The following CAVIN1 variants were observed in gnomAD, a reference collection of about 807,000 sequenced individuals.
CAVIN1 encodes caveolae-associated protein 1.
Under a neutral mutation model 24.0 loss-of-function variants are expected in CAVIN1, and 16 were observed. The observed-to-expected ratio is 0.67, with a 90% CI of 0.45 to 1.01. The LOEUF (loss-of-function observed/expected upper bound fraction) is 1.01, where lower values mean the gene tolerates loss of function less well. Ranked by LOEUF, CAVIN1 falls within the 50% of genes least tolerant of loss-of-function variation. The pLI is 0.00. For missense variants in CAVIN1, 510 were observed against 551.7 expected (o/e 0.92, Z 0.76); for synonymous variants, 256 against 256.4 (o/e 1.00, Z 0.02).
At chr17:42,420,118 C>G (rs1270906500) in intron 1 of CAVIN1, among the ~76,000 whole-genome samples, 2 of 152,152 alleles carry the variant, frequency 1.3e-5, no homozygotes, top group Admixed American at 1.3e-4. Flanking sequence ...CCTCCCACCC[C>G]TGTAGTGGGG....
chr17:42,404,906 C>G lies in CAVIN1; in HGVS notation c.954G>C (p.Val318=). 1 of 1,614,114 alleles carries G rather than the reference C, an allele frequency of 6.2e-7. No homozygotes were observed. The highest frequency in any genetic ancestry group is 1.3e-5 in the African/African-American group (1 of 75,060). Residue 318 remains valine, a synonymous_variant, in exon 2 of 2, where the codon GTG becomes GTC. Coordinates refer to ENST00000357037, the MANE Select transcript of CAVIN1 (RefSeq NM_012232.6). ...TCTTGACGTGGAAGGTGAAGGGTGG[C>G]ACCTTGTAGACCGCGGTCTTGGAGC... The part of the protein sequence containing the change: ...YARSKTAVYK[V]PPFTFHVKKI...
intron 1 of CAVIN1, among the ~76,000 whole-genome samples, chr17:42,408,008 T>G (rs2085455458): frequency 6.6e-6 from 1 of 151,928 alleles, no homozygotes. Context: ...AGAATTTACC[T>G]GCAGCCCCAG....
chr17:42,421,799 G>A (rs1354560482), intron 1 of CAVIN1, among the ~76,000 whole-genome samples: 1 of 152,052 alleles, frequency 6.6e-6, no homozygotes, highest in Non-Finnish European at 1.5e-5. Flanking sequence ...GCCCCCGCAG[G>A]CATGCGGGGT....
intron 1 of CAVIN1, chr17:42,411,856 A>C: frequency 1.0e-6 from 1 of 985,368 alleles, no homozygotes; most frequent in Non-Finnish European, 1.2e-6. Flanking sequence ...TTCCCCTCCC[A>C]TCCCCACTGT....
At chr17:42,421,461 G>GACTA (rs1266964694) in intron 1 of CAVIN1, among the ~76,000 whole-genome samples, 1 of 152,072 alleles carries the variant, frequency 6.6e-6, no homozygotes, top group Non-Finnish European at 1.5e-5. Flanking sequence ...GGGGAGCATA[G>GACTA]ACTAACCCCC....
chr17:42,420,975 C>T (rs1457621213), intron 1 of CAVIN1, among the ~76,000 whole-genome samples: 3 of 152,132 alleles, frequency 2.0e-5, no homozygotes, highest in African/African-American at 7.2e-5. Flanking sequence ...TCTTAAAAAA[C>T]GTCAAAAGCC....
At chr17:42,420,240 C>T (rs1393867965) in intron 1 of CAVIN1, among the ~76,000 whole-genome samples, 2 of 152,208 alleles carry the variant, frequency 1.3e-5, no homozygotes, top group African/African-American at 4.8e-5. Flanking sequence ...CCCCTTCAGC[C>T]GGACTTTACC....
chr17:42,414,596 G>A (rs905762366), intron 1 of CAVIN1, among the ~76,000 whole-genome samples: 5 of 152,028 alleles, frequency 3.3e-5, no homozygotes, highest in Admixed American at 6.6e-5. Flanking sequence ...GGACCTCTGC[G>A]GCAGCCCCCA....
At chr17:42,409,734 C>G (rs963988) in intron 1 of CAVIN1, among the ~76,000 whole-genome samples, 88,498 of 151,650 alleles carry the variant, frequency 0.58, 27,990 homozygotes, top group Admixed American at 0.72. Context: ...CCAAAATCAT[C>G]TCCCTCCACC....
At chr17:42,418,459 C>T (rs1447552130) in intron 1 of CAVIN1, among the ~76,000 whole-genome samples, 2 of 151,744 alleles carry the variant, frequency 1.3e-5, no homozygotes, top group Non-Finnish European at 1.5e-5. Flanking sequence ...TCGAACTCCC[C>T]ACCTCAGGTG....
In CAVIN1 at chr17:42,412,560, AT is replaced by A. The variant is rs60982549; in HGVS notation, c.472-7173del. 6.4e-3 allele frequency among the ~76,000 whole-genome samples: 805 copies of A among 125,732 alleles called. 8 individuals carry two copies. The highest frequency in any genetic ancestry group is 0.023 in the African/African-American group (765 of 33,776). The allele number at this position is 125,732 out of a possible 152,430, so 82.5% of individuals were successfully genotyped here. On this transcript the variant is annotated intron_variant, in intron 1 of 1. Coordinates refer to ENST00000357037, the MANE Select transcript of CAVIN1 (RefSeq NM_012232.6). ...AGTTGTGTACCATCAAACCCGGCTAATTTTTTTTTTTTTTTTGATAGAGACA... is the reference window on the plus strand; with the variant it reads ...AGTTGTGTACCATCAAACCCGGCTAATTTTTTTTTTTTTTTGATAGAGACA...
In CAVIN1 at chr17:42,411,468, G is replaced by A. The variant is rs958827178; in HGVS notation, c.472-6080C>T. The A allele has an allele frequency of 4.1e-6, 4 of 985,262 alleles. No homozygotes were observed. The African/African-American group carries it at 7.0e-5, about 17-fold the overall frequency. The allele number at this position is 985,262 out of a possible 1,614,324, so 61.0% of individuals were successfully genotyped here. On this transcript the variant is annotated intron_variant, in intron 1 of 1. Transcript: ENST00000357037. ...GGCCAGAGGTCCTGAGCCAGAGCCAGCTAGAATGTCCCCCTCCTGGCATCT... is the reference window on the plus strand; with the variant it reads ...GGCCAGAGGTCCTGAGCCAGAGCCAACTAGAATGTCCCCCTCCTGGCATCT...
chr17:42,420,110 T>A (rs969749878), intron 1 of CAVIN1, among the ~76,000 whole-genome samples: 2 of 151,552 alleles, frequency 1.3e-5, no homozygotes, highest in African/African-American at 2.4e-5. Context: ...CATCATCACC[T>A]CCCACCCCTG....
chr17:42,402,607 G>A lies in CAVIN1; in HGVS notation c.*2080C>T, dbSNP rs113219548. The A allele has an allele frequency of 1.6e-4, 24 of 151,764 alleles. No individual in the cohort carries two copies. Among genetic ancestry groups the A allele is most frequent in the African/African-American group, 4.8e-4 (20 of 41,276 alleles). The allele number at this position is 151,764 out of a possible 1,614,324, so 9.4% of individuals were successfully genotyped here. On this transcript the variant is annotated 3_prime_UTR_variant, in exon 2 of 2. Transcript: ENST00000357037. ...TGTCCCACAATCCCCAACCTCCCTC[G>A]GCAGAGGGGTCTTCAGCCATTCAGA...
Position 42,422,996 on chromosome 17 carries a change from C to T in CAVIN1, c.102G>A (p.Glu34=). The T allele has an allele frequency of 6.2e-7, 1 of 1,613,386 alleles. No individual in the cohort carries two copies. The highest frequency in any genetic ancestry group is 8.5e-7 in the Non-Finnish European group (1 of 1,179,904). ...PSSAGAQAAE[E]PSGAGSEELI... ...GCTCTTCTGAGCCGGCCCCCGACGG[C>T]TCCTCCGCTGCCTGAGCCCCAGCGG... The change falls in exon 1 of 2, where the codon GAG becomes GAA. Residue 34 remains glutamate (E), a synonymous_variant. Transcript: ENST00000357037.
Position 42,414,001 on chromosome 17 carries a change from G to A in CAVIN1, c.472-8613C>T, listed in dbSNP as rs572890182. On this transcript the variant is annotated intron_variant, in intron 1 of 1. Transcript: ENST00000357037. ...CAACCTCTGCCTCCTGAGTTCAAGTGATTCTCCTGCCTCAGCCTCCCTAGT... is the reference window on the plus strand; with the variant it reads ...CAACCTCTGCCTCCTGAGTTCAAGTAATTCTCCTGCCTCAGCCTCCCTAGT... 9.2e-5 allele frequency among the ~76,000 whole-genome samples: 14 copies of A among 152,172 alleles called. 1 individual carries two copies. The South Asian group carries it at 2.9e-3, about 32-fold the overall frequency.
chr17:42,411,478 C>T (rs1411810376), intron 1 of CAVIN1: 3 of 985,194 alleles, frequency 3.0e-6, no homozygotes, highest in Admixed American at 6.2e-5. Context: ...GCTAGAATGT[C>T]CCCCTCCTGG....
intron 1 of CAVIN1, among the ~76,000 whole-genome samples, chr17:42,408,720 A>T (rs2145475596): frequency 6.7e-6 from 1 of 148,866 alleles, no homozygotes. Context: ...TGAACTCCCA[A>T]CCTCATGTGA....
chr17:42,422,983 C>A lies in CAVIN1; in HGVS notation c.115G>T (p.Gly39Cys). 6.2e-7 allele frequency: 1 copy of A among 1,613,568 alleles called. No individual in the cohort carries two copies. Among genetic ancestry groups the A allele is most frequent in the Middle Eastern group, 1.7e-4 (1 of 6,054 alleles). Residue 39 changes from glycine to cysteine, a missense_variant, in exon 1 of 2, where the codon GGC becomes TGC. Physicochemically the swap from Gly to Cys is radical, Grantham distance 159. Transcript: ENST00000357037. ...TCCGACTTGATCAGCTCTTCTGAGC[C>A]GGCCCCCGACGGCTCCTCCGCTGCC... ...AQAAEEPSGA[G>C]SEELIKSDQV...
Sources: allele counts gnomAD v4.1 joint callset (sites outside exome capture counted in the v4.1 genomes callset), GRCh38; gene constraint gnomAD v4.1.1; transcripts MANE v1.5; gene names NCBI Gene and HGNC (gene_info 2026-07-23, HGNC 2026-07-21).